Variants in SEMA3E observed in about 807,000 individuals in gnomAD.
The protein encoded by SEMA3E is semaphorin-3E.
In SEMA3E, 49 loss-of-function variants were observed where a neutral mutation model predicts 93.6. The ratio of observed to expected loss-of-function variants is 0.52; its 90% confidence interval spans 0.42 to 0.66. The LOEUF (loss-of-function observed/expected upper bound fraction) is 0.66. Ranked by LOEUF, SEMA3E falls within the 30% of genes least tolerant of loss-of-function variation. SEMA3E has a pLI of 0.00. For synonymous variants in SEMA3E, 363 were observed against 330.7 expected, an observed-to-expected ratio of 1.10 and a Z score of -1.06; for missense variants, 906 against 964.8, an observed-to-expected ratio of 0.94 and a Z score of 0.81.
chr7:83,449,578 T>A (rs1185578395), intron 4 of SEMA3E, among the ~76,000 whole-genome samples: 1 of 152,112 alleles, frequency 6.6e-6, no homozygotes, highest in African/African-American at 2.4e-5. Flanking sequence ...ACCCAGGTAT[T>A]CTTGAATCAA....
At chr7:83,592,179 ATGT>A (rs1306660277) in intron 1 of SEMA3E, among the ~76,000 whole-genome samples, 3 of 152,098 alleles carry the variant, frequency 2.0e-5, no homozygotes, top group Non-Finnish European at 2.9e-5. Flanking sequence ...TATTTTTTAA[ATGT>A]TATTTACATA....
intron 16 of SEMA3E, among the ~76,000 whole-genome samples, chr7:83,384,185 A>G (rs1219467377): frequency 6.6e-6 from 1 of 152,110 alleles, no homozygotes; most frequent in Non-Finnish European, 1.5e-5. Flanking sequence ...TTTTGATCTA[A>G]AAACATGTTA....
intron 4 of SEMA3E, among the ~76,000 whole-genome samples, chr7:83,458,314 A>G (rs1789534633): frequency 6.6e-6 from 1 of 151,574 alleles, no homozygotes; most frequent in Admixed American, 6.6e-5. Context: ...AATCTTTCAA[A>G]GAAAATGATG....
intron 4 of SEMA3E, among the ~76,000 whole-genome samples, chr7:83,465,392 A>T (rs922044345): frequency 4.6e-5 from 7 of 152,148 alleles, no homozygotes; most frequent in African/African-American, 1.7e-4. Context: ...GAAACTAATG[A>T]TAAAATCTCC....
intron 13 of SEMA3E, among the ~76,000 whole-genome samples, chr7:83,393,656 G>A (rs895625473): frequency 2.6e-5 from 4 of 152,056 alleles, no homozygotes; most frequent in African/African-American, 7.2e-5. Flanking sequence ...CAGAACAAGT[G>A]GCTGAACATT....
At position 83,540,072 on chromosome 7, in the gene SEMA3E, C is replaced by A. The variant is rs186109017; in HGVS notation, c.116-49798G>T. On this transcript the variant is annotated intron_variant, in intron 1 of 16. Transcript: ENST00000643230. The stretch of plus-strand genomic sequence containing the variant: ...GTAATTTTTGTATTTTTAGTAGAGA[C>A]GGCGTTTGCCATGTTGGCCAGGCTG... Among the ~76,000 whole-genome samples the A allele has an allele frequency of 5.9e-5, 9 of 152,162 alleles. 1 individual carries two copies. Among genetic ancestry groups the A allele is most frequent in the Admixed American group, 6.5e-5 (1 of 15,274 alleles).
intron 1 of SEMA3E, among the ~76,000 whole-genome samples, chr7:83,618,575 G>A (rs1416302542): frequency 6.6e-6 from 1 of 151,966 alleles, no homozygotes; most frequent in African/African-American, 2.4e-5. Context: ...CATTTGGACA[G>A]TAATTGATCA....
intron 1 of SEMA3E, among the ~76,000 whole-genome samples, chr7:83,571,778 C>A (rs1461322064): frequency 1.3e-5 from 2 of 152,136 alleles, no homozygotes; most frequent in Non-Finnish European, 1.5e-5. Context: ...AAGAAGAATT[C>A]AAATTATCTC....
chr7:83,364,872 G>A lies in SEMA3E; in HGVS notation c.*2714C>T, dbSNP rs1794643039. ...AATGGGGAAAATTTGGTGAGATGAA[G>A]GGTGAACTCTTAATTCCTCCAAGTC... On this transcript the variant is annotated 3_prime_UTR_variant, in exon 17 of 17. Coordinates refer to ENST00000643230, the MANE Select transcript of SEMA3E (RefSeq NM_012431.3). The A allele has an allele frequency of 6.6e-6, 1 of 152,182 alleles. No individual in the cohort carries two copies. Among genetic ancestry groups the A allele is most frequent in the Non-Finnish European group, 1.5e-5 (1 of 68,036 alleles). 9.4% of individuals were successfully genotyped at this position (152,182 alleles called of 1,614,324 possible).
intron 5 of SEMA3E, among the ~76,000 whole-genome samples, chr7:83,415,844 G>A (rs1788528533): frequency 6.6e-6 from 1 of 152,022 alleles, no homozygotes; most frequent in Admixed American, 6.6e-5. Context: ...AATTAACCAT[G>A]AAACTAAGAA....
At chr7:83,409,398 T>C (rs1788393037) in intron 5 of SEMA3E, among the ~76,000 whole-genome samples, 2 of 152,142 alleles carry the variant, frequency 1.3e-5, no homozygotes. Flanking sequence ...TTGTCCTGTC[T>C]GGAGCAAAAA....
intron 1 of SEMA3E, among the ~76,000 whole-genome samples, chr7:83,517,076 T>C (rs1399024928): frequency 1.3e-5 from 2 of 152,084 alleles, no homozygotes; most frequent in African/African-American, 4.8e-5. Context: ...AGAAACACCA[T>C]GCATCTTTAG....
chr7:83,513,656 C>T (rs1251567722), intron 1 of SEMA3E, among the ~76,000 whole-genome samples: 1 of 152,164 alleles, frequency 6.6e-6, no homozygotes, highest in Admixed American at 6.6e-5. Context: ...AACATATGCA[C>T]ATGCACATTC....
At chr7:83,645,791 A>G (rs1826898) in intron 1 of SEMA3E, among the ~76,000 whole-genome samples, 69,961 of 150,622 alleles carry the variant, frequency 0.46, 16,756 homozygotes, top group Middle Eastern at 0.57. Context: ...CTTCCTTTCC[A>G]GCTCTAGTTA....
At chr7:83,635,541 T>C (rs1274533203) in intron 1 of SEMA3E, among the ~76,000 whole-genome samples, 2 of 149,920 alleles carry the variant, frequency 1.3e-5, no homozygotes, top group African/African-American at 4.9e-5. Flanking sequence ...TGCATTGTAT[T>C]TAATTAATTA....
Position 83,467,553 on chromosome 7 carries a change from C to T in SEMA3E, c.337-952G>A, listed in dbSNP as rs538155066. ...ATCAGCAAACTTTTTCTGTAAAGGA[C>T]GAGAATGTAAATGTATTTAGTTTGA... On this transcript the variant is annotated intron_variant, in intron 3 of 16. Transcript: ENST00000643230. Among the ~76,000 whole-genome samples, 7 of 152,186 alleles carry T rather than the reference C, an allele frequency of 4.6e-5. No homozygotes were observed. In the East Asian group the frequency reaches 1.2e-3, roughly 25 times the overall value.
intron 5 of SEMA3E, among the ~76,000 whole-genome samples, chr7:83,410,658 T>C (rs1788420842): frequency 6.6e-6 from 1 of 152,118 alleles, no homozygotes; most frequent in African/African-American, 2.4e-5. Flanking sequence ...GTTAGGAATA[T>C]GACCTGTTAC....
Position 83,394,498 on chromosome 7 carries a change from A to C in SEMA3E, c.1459-160T>G, listed in dbSNP as rs141115439. On this transcript the variant is annotated intron_variant, in intron 12 of 16. Coordinates refer to ENST00000643230, the MANE Select transcript of SEMA3E (RefSeq NM_012431.3). Reference sequence around the variant, plus strand: ...TAAACCAATATGCAAACACAATTAAAATGCAGCTTTAAAAACTTGTTTCTA... The same window carrying C: ...TAAACCAATATGCAAACACAATTAACATGCAGCTTTAAAAACTTGTTTCTA... 3.8e-4 allele frequency among the ~76,000 whole-genome samples: 58 copies of C among 152,300 alleles called. 1 individual carries two copies. The highest frequency in any genetic ancestry group is 1.3e-3 in the African/African-American group (55 of 41,582).
Position 83,400,125 on chromosome 7 carries a change from T to C in SEMA3E, c.1269A>G (p.Ile423Met), listed in dbSNP as rs779652369. ...QAIKPAHKKP[I>M]LVKTDGKYNL... ...TATATTTTCCATCTGTTTTTACCAA[T>C]ATTGGTTTTTTATGGGCAGGTTTTA... The change falls in exon 11 of 17, where the codon ATA (isoleucine) becomes ATG (methionine). Residue 423 changes from isoleucine (I) to methionine (M), a missense_variant. Coordinates refer to ENST00000643230, the MANE Select transcript of SEMA3E (RefSeq NM_012431.3). 2.1e-5 allele frequency: 34 copies of C among 1,613,926 alleles called. No individual in the cohort carries two copies. Among genetic ancestry groups the C allele is most frequent in the Non-Finnish European group, 2.7e-5 (32 of 1,179,974 alleles).
Sources: gnomAD v4.1 joint callset for allele counts (sites outside exome capture counted in the v4.1 genomes callset) on GRCh38, gnomAD v4.1.1 for gene constraint, MANE v1.5 for transcripts, NCBI Gene and HGNC (gene_info 2026-07-23, HGNC 2026-07-21) for gene names.